SUPT3H: variants seen among roughly 807,000 people sequenced by gnomAD.
SUPT3H encodes SPT3 homolog, SAGA and STAGA complex component.
A neutral mutation model predicts 44.3 loss-of-function variants in SUPT3H; 44 were observed. The observed-to-expected ratio is 0.99, with a 90% CI of 0.78 to 1.28. The LOEUF is 1.28. Among genes scored for constraint, SUPT3H ranks in the 50% most tolerant of loss-of-function variants. SUPT3H has a pLI of 0.00. For missense variants in SUPT3H, 380 were observed against 387.1 expected, an observed-to-expected ratio of 0.98 and a Z score of 0.15; for synonymous variants, 124 against 125.6, an observed-to-expected ratio of 0.99 and a Z score of 0.09.
intron 10 of SUPT3H, among the ~76,000 whole-genome samples, chr6:44,914,216 G>T (rs1178716311): frequency 6.6e-6 from 1 of 152,170 alleles, no homozygotes; most frequent in Non-Finnish European, 1.5e-5. Context: ...TTTGCAAAAT[G>T]ATTAAAGAGT....
chr6:44,980,425 T>C (rs1778940183), intron 6 of SUPT3H, among the ~76,000 whole-genome samples: 1 of 152,176 alleles, frequency 6.6e-6, no homozygotes. Flanking sequence ...TGTACAATGA[T>C]GTTACGTGAG....
At chr6:44,932,446 A>G (rs1770730104) in intron 10 of SUPT3H, among the ~76,000 whole-genome samples, 1 of 152,224 alleles carries the variant, frequency 6.6e-6, no homozygotes. Flanking sequence ...TTGAAAGAAA[A>G]TAATATTTTG....
chr6:44,815,937 A>G (rs7349931), intron 11 of SUPT3H, among the ~76,000 whole-genome samples: 40,881 of 151,818 alleles, frequency 0.27, 5,783 homozygotes, highest in African/African-American at 0.3. Context: ...TACATCAAAG[A>G]GCACAATACA....
chr6:45,084,419 T>C (rs1158258078), intron 3 of SUPT3H, among the ~76,000 whole-genome samples: 1 of 152,066 alleles, frequency 6.6e-6, no homozygotes, highest in Non-Finnish European at 1.5e-5. Context: ...ATCAGAGAGA[T>C]ACAAATCAAA....
chr6:45,169,266 T>C (rs1309615354), intron 2 of SUPT3H, among the ~76,000 whole-genome samples: 6 of 152,180 alleles, frequency 3.9e-5, no homozygotes, highest in African/African-American at 1.4e-4. Flanking sequence ...TGCATTCTTA[T>C]TTTCAGATTC....
At chr6:45,072,649 A>AG (rs1794537134) in intron 3 of SUPT3H, among the ~76,000 whole-genome samples, 1 of 151,344 alleles carries the variant, frequency 6.6e-6, no homozygotes, top group African/African-American at 2.4e-5. Context: ...TCAGCATAAA[A>AG]AGGAGGAAAA....
rs1767967450 is a variant in SUPT3H, at chr6:44,917,298, G to A, written c.912+15355C>T. The stretch of plus-strand genomic sequence containing the variant: ...GTAAAATAGTGTTCATTAAATTTTT[G>A]GTTCATTTAGGATAATCATTTTAAA... On this transcript the variant is annotated intron_variant, in intron 10 of 10. Coordinates refer to ENST00000371459, the MANE Select transcript of SUPT3H (RefSeq NM_003599.4). Among the ~76,000 whole-genome samples, 5 of 152,220 alleles carry A rather than the reference G, an allele frequency of 3.3e-5. 1 individual carries two copies. In the South Asian group the frequency reaches 1.0e-3, roughly 32 times the overall value.
At chr6:45,218,068 T>G (rs1305232151) in intron 2 of SUPT3H, among the ~76,000 whole-genome samples, 1 of 152,000 alleles carries the variant, frequency 6.6e-6, no homozygotes, top group South Asian at 2.1e-4. Context: ...CATAATTAAA[T>G]GAAAATTGTT....
chr6:45,282,909 G>T (rs1229157809), intron 2 of SUPT3H, among the ~76,000 whole-genome samples: 1 of 152,226 alleles, frequency 6.6e-6, no homozygotes, highest in Non-Finnish European at 1.5e-5. Flanking sequence ...CTACAAGCCA[G>T]AAGAGAGTGG....
intron 2 of SUPT3H, among the ~76,000 whole-genome samples, chr6:45,196,436 T>C (rs1417193200): frequency 6.6e-6 from 1 of 152,052 alleles, no homozygotes; most frequent in Non-Finnish European, 1.5e-5. Context: ...CCATATTTCT[T>C]CAGAAATACA....
intron 2 of SUPT3H, among the ~76,000 whole-genome samples, chr6:45,318,676 T>TATAC (rs5875917): frequency 0.23 from 34,386 of 151,894 alleles, 4,533 homozygotes; most frequent in Non-Finnish European, 0.31. Flanking sequence ...AATGCTAGAG[T>TATAC]ATACACCAAC....
chr6:45,056,787 A>C (rs1791197335), intron 3 of SUPT3H, among the ~76,000 whole-genome samples: 1 of 152,158 alleles, frequency 6.6e-6, no homozygotes, highest in South Asian at 2.1e-4. Flanking sequence ...AAAATATCAG[A>C]AATCATCACT....
chr6:44,964,739 T>C lies in SUPT3H; in HGVS notation c.505-2911A>G, dbSNP rs529594773. Among the ~76,000 whole-genome samples, 59 of 152,288 alleles carry C rather than the reference T, an allele frequency of 3.9e-4. 1 individual carries two copies. The highest frequency in any genetic ancestry group is 3.7e-3 in the South Asian group (18 of 4,832). The stretch of plus-strand genomic sequence containing the variant: ...CCCACAAATCTGACCCTAGGGTATA[T>C]ATAAGAAGCCATTTATCCAGTGCCT... On this transcript the variant is annotated intron_variant, in intron 6 of 10. Coordinates refer to ENST00000371459, the MANE Select transcript of SUPT3H (RefSeq NM_003599.4).
intron 2 of SUPT3H, among the ~76,000 whole-genome samples, chr6:45,293,666 C>T (rs571873717): frequency 1.3e-4 from 20 of 152,138 alleles, no homozygotes; most frequent in African/African-American, 3.4e-4. Flanking sequence ...TTACAACTGA[C>T]GCCAAAGAAA....
intron 3 of SUPT3H, among the ~76,000 whole-genome samples, chr6:45,064,523 TAA>T (rs1158319824): frequency 1.5e-5 from 2 of 136,118 alleles, no homozygotes; most frequent in African/African-American, 5.7e-5. Flanking sequence ...GCAAATTGGA[TAA>T]AGAGTCAAGA....
intron 10 of SUPT3H, among the ~76,000 whole-genome samples, chr6:44,862,877 CA>C (rs1774898736): frequency 6.6e-6 from 1 of 151,978 alleles, no homozygotes; most frequent in Non-Finnish European, 1.5e-5. Flanking sequence ...CCTGATCAAA[CA>C]ATTTAATTTC....
chr6:45,053,943 A>G (rs1353837280), intron 3 of SUPT3H, among the ~76,000 whole-genome samples: 1 of 149,742 alleles, frequency 6.7e-6, no homozygotes, highest in Non-Finnish European at 1.5e-5. Context: ...AGTCACTCTG[A>G]CTTTCTCCCT....
chr6:45,294,578 C>G (rs899946842), intron 2 of SUPT3H, among the ~76,000 whole-genome samples: 1 of 151,784 alleles, frequency 6.6e-6, no homozygotes, highest in African/African-American at 2.4e-5. Flanking sequence ...CTAGAAAACC[C>G]TAAAGCCTCC....
intron 2 of SUPT3H, among the ~76,000 whole-genome samples, chr6:45,343,017 C>G (rs531407899): frequency 6.6e-6 from 1 of 152,266 alleles, no homozygotes; most frequent in Non-Finnish European, 1.5e-5. Context: ...TCAATTTCCT[C>G]ATCTGTAAAA....
Sources: gnomAD v4.1 joint callset for allele counts (sites outside exome capture counted in the v4.1 genomes callset) on GRCh38, gnomAD v4.1.1 for gene constraint, MANE v1.5 for transcripts, NCBI Gene and HGNC (gene_info 2026-07-23, HGNC 2026-07-21) for gene names.